The following ROCK1 variants were observed in gnomAD, a reference collection of about 807,000 sequenced individuals.
ROCK1 encodes Rho associated coiled-coil containing protein kinase 1, also known as rho-associated protein kinase 1.
A neutral mutation model predicts 196.8 loss-of-function variants in ROCK1; 36 were observed. The observed-to-expected ratio is 0.18, with a 90% CI of 0.14 to 0.24. The LOEUF (loss-of-function observed/expected upper bound fraction) is 0.24. Among genes scored for constraint, ROCK1 ranks in the 10% least tolerant of loss-of-function variants. The pLI is 1.00. For missense variants in ROCK1, 920 were observed against 1,562.0 expected, an observed-to-expected ratio of 0.59 and a Z score of 6.93; for synonymous variants, 443 against 515.9, an observed-to-expected ratio of 0.86 and a Z score of 1.91.
chr18:21,053,815 T>C (rs112665780), intron 2 of ROCK1, among the ~76,000 whole-genome samples: 1,542 of 152,270 alleles, frequency 0.01, 20 homozygotes, highest in African/African-American at 0.036. Context: ...CCTGCCTGTG[T>C]GACAGTCTTT....
chr18:21,058,922 A>G (rs1332390888), intron 2 of ROCK1, among the ~76,000 whole-genome samples: 2 of 152,200 alleles, frequency 1.3e-5, no homozygotes, highest in Non-Finnish European at 2.9e-5. Context: ...ATGTTCAAAT[A>G]AAATCACACT....
At chr18:21,076,207 C>T (rs1486044194) in intron 1 of ROCK1, among the ~76,000 whole-genome samples, 3 of 152,172 alleles carry the variant, frequency 2.0e-5, no homozygotes, top group Admixed American at 1.3e-4. Context: ...CAGAACTATA[C>T]ATTTAGAATC....
chr18:20,988,819 ATTTTTT>A (rs970475400), intron 18 of ROCK1, among the ~76,000 whole-genome samples: 1 of 151,178 alleles, frequency 6.6e-6, no homozygotes, highest in Non-Finnish European at 1.5e-5. Flanking sequence ...ATGTATTATT[ATTTTTT>A]TTTGTCTATA....
chr18:21,036,978 T>C (rs1260593640), intron 9 of ROCK1, among the ~76,000 whole-genome samples: 1 of 152,228 alleles, frequency 6.6e-6, no homozygotes, highest in South Asian at 2.1e-4. Context: ...TTTTGATCTA[T>C]ATAACACTGA....
intron 16 of ROCK1, among the ~76,000 whole-genome samples, chr18:20,993,795 T>C (rs2035646949): frequency 6.6e-6 from 1 of 152,230 alleles, no homozygotes; most frequent in African/African-American, 2.4e-5. Context: ...AAGGCATAAA[T>C]ATTTAATAAA....
At chr18:21,041,858 GA>G (rs1210761386) in intron 8 of ROCK1, among the ~76,000 whole-genome samples, 1 of 151,900 alleles carries the variant, frequency 6.6e-6, no homozygotes, top group African/African-American at 2.4e-5. Flanking sequence ...AACAATAAAA[GA>G]AAAAAGTCAT....
chr18:20,990,449 T>A (rs1047841487), intron 18 of ROCK1, among the ~76,000 whole-genome samples: 1 of 151,816 alleles, frequency 6.6e-6, no homozygotes, highest in Non-Finnish European at 1.5e-5. Context: ...TGGTGTTTCA[T>A]GCCTGTAATC....
chr18:21,082,102 C>G (rs1568404742), intron 1 of ROCK1, among the ~76,000 whole-genome samples: 1 of 151,838 alleles, frequency 6.6e-6, no homozygotes, highest in Non-Finnish European at 1.5e-5. Context: ...AGCAACCACA[C>G]CTGGTTAATT....
chr18:20,978,204 C>CAA (rs34885138), intron 22 of ROCK1, among the ~76,000 whole-genome samples: 7 of 118,806 alleles, frequency 5.9e-5, no homozygotes, highest in East Asian at 2.5e-4. Flanking sequence ...TGTATTCCAA[C>CAA]AAAAAAAAAA....
intron 4 of ROCK1, among the ~76,000 whole-genome samples, chr18:21,046,293 G>C (rs537580304): frequency 6.6e-6 from 1 of 152,240 alleles, no homozygotes; most frequent in South Asian, 2.1e-4. Flanking sequence ...CTAAAACACT[G>C]TAAGGACTAT....
intron 19 of ROCK1, among the ~76,000 whole-genome samples, chr18:20,985,893 C>G (rs1465216432): frequency 3.3e-5 from 5 of 152,184 alleles, no homozygotes; most frequent in Admixed American, 3.3e-4. Flanking sequence ...GGGTCTCACT[C>G]TGATGTCCAG....
rs1266257853 is a variant in ROCK1 at position 20,987,056 on chromosome 18, C to T, written c.2198G>A (p.Arg733Gln). 10 of 1,612,816 alleles carry T rather than the reference C, an allele frequency of 6.2e-6. No individual in the cohort carries two copies. The highest frequency in any genetic ancestry group is 8.5e-6 in the Non-Finnish European group (10 of 1,179,680). The change falls in exon 19 of 33, where the codon CGG becomes CAG. Residue 733 changes from arginine to glutamine, a missense_variant. Arg to Gln is a conservative substitution (Grantham distance 43). Coordinates refer to ENST00000399799, the MANE Select transcript of ROCK1 (RefSeq NM_005406.3). ...ACACTGTTTCTCAATCTGAACAACC[C>T]GATTTTCAGCCTTCTCTCGAGCTTC... is the stretch of plus-strand genomic sequence containing the variant. ...EREAREKAEN[R>Q]VVQIEKQCSM...
intron 1 of ROCK1, among the ~76,000 whole-genome samples, chr18:21,082,340 G>A (rs1406143952): frequency 2.0e-5 from 3 of 152,222 alleles, no homozygotes; most frequent in South Asian, 2.1e-4. Flanking sequence ...TTCTATGAGT[G>A]CAGCACTGCC....
At chr18:21,014,759 C>G (rs1164321312) in intron 13 of ROCK1, among the ~76,000 whole-genome samples, 11 of 152,184 alleles carry the variant, frequency 7.2e-5, no homozygotes, top group Middle Eastern at 3.4e-3. Context: ...ATTAACACAG[C>G]ATAAAAACTA....
chr18:21,006,168 T>C (rs79071595), intron 16 of ROCK1, among the ~76,000 whole-genome samples, 183 bp downstream of exon 16: 293 of 152,256 alleles, frequency 1.9e-3, no homozygotes, highest in Non-Finnish European at 3.5e-3. Flanking sequence ...CTTGAAGACA[T>C]TGTGCTAAGT....
intron 2 of ROCK1, among the ~76,000 whole-genome samples, chr18:21,051,933 C>T (rs1307540629): frequency 3.9e-5 from 6 of 152,028 alleles, no homozygotes; most frequent in African/African-American, 7.2e-5. Context: ...CTAGGAAATA[C>T]GTAGAAGATG....
intron 22 of ROCK1, 111 bp from the exon 23 acceptor site, chr18:20,970,624 AT>A: frequency 1.4e-6 from 1 of 708,372 alleles, no homozygotes; most frequent in Non-Finnish European, 2.2e-6. Flanking sequence ...GAATTATTTT[AT>A]TGCTTAAAAT....
intron 3 of ROCK1, among the ~76,000 whole-genome samples, 155 bp from the exon 4 acceptor site, chr18:21,049,384 C>G (rs1392168379): frequency 6.6e-6 from 1 of 152,126 alleles, no homozygotes; most frequent in Non-Finnish European, 1.5e-5. Flanking sequence ...CAAATTATTC[C>G]AAGTAGCTAA....
intron 2 of ROCK1, among the ~76,000 whole-genome samples, chr18:21,057,770 G>T (rs1000776403): frequency 6.6e-6 from 1 of 152,058 alleles, no homozygotes; most frequent in Admixed American, 6.6e-5. Flanking sequence ...GCAGTAAGCC[G>T]AGTTTGGGCC....
Sources: allele counts gnomAD v4.1 joint callset (sites outside exome capture counted in the v4.1 genomes callset), GRCh38; gene constraint gnomAD v4.1.1; transcripts MANE v1.5; gene names NCBI Gene and HGNC (gene_info 2026-07-23, HGNC 2026-07-21).